The following SV2C variants were observed in gnomAD, a reference collection of about 807,000 sequenced individuals.
SV2C encodes the protein solute carrier family 22 member B3.
Under a neutral mutation model 79.7 loss-of-function variants are expected in SV2C, and 49 were observed. That is an observed-to-expected ratio of 0.61 (90% CI 0.49 to 0.78). The LOEUF (loss-of-function observed/expected upper bound fraction) is 0.78, where lower values mean the gene tolerates loss of function less well. Among genes scored for constraint, SV2C ranks in the 30% least tolerant of loss-of-function variants. The probability of loss-of-function intolerance (pLI) is 0.00; values close to 1 mark genes in which losing one functional copy is unlikely to be tolerated. For synonymous variants in SV2C, 334 were observed against 333.2 expected (o/e 1.00, Z -0.03); for missense variants, 833 against 912.9 (o/e 0.91, Z 1.13).
the SV2C span, among the ~76,000 whole-genome samples, chr5:75,932,202 G>A: frequency 2.0e-5 from 3 of 152,262 alleles, no homozygotes; most frequent in East Asian, 1.9e-4. Flanking sequence ...CCTTCTTCCC[G>A]GGGAGCCCTA....
At chr5:76,257,272 TG>T (rs1561286220) in intron 4 of SV2C, among the ~76,000 whole-genome samples, 1 of 62,698 alleles carries the variant, frequency 1.6e-5, no homozygotes, top group South Asian at 3.8e-4. Context: ...TATGTGTGTG[TG>T]TGTGTGTGTG....
chr5:75,923,403 AAAC>A, the SV2C span, among the ~76,000 whole-genome samples: 3 of 152,338 alleles, frequency 2.0e-5, no homozygotes, highest in East Asian at 3.9e-4. Flanking sequence ...AATGCAACAA[AAAC>A]AACAACAACA....
Position 76,180,601 on chromosome 5 carries a change from G to A in SV2C, c.581-14318G>A, listed in dbSNP as rs577907839. ...TACCCTCTTGCTCCTCTGAATTGCA[G>A]TTGTACTTAGCTACATCCCTGGCCT... On this transcript the variant is annotated intron_variant, in intron 2 of 12. Transcript: ENST00000502798. 1.3e-3 allele frequency among the ~76,000 whole-genome samples: 200 copies of A among 152,308 alleles called. 1 individual carries two copies. Among genetic ancestry groups the A allele is most frequent in the African/African-American group, 4.5e-3 (187 of 41,562 alleles).
chr5:76,081,748 G>A (rs1476947167), upstream of SV2C, among the ~76,000 whole-genome samples: 8 of 152,160 alleles, frequency 5.3e-5, no homozygotes, highest in African/African-American at 1.7e-4. Flanking sequence ...GAACCAGAGA[G>A]GAGGGAAAAT....
chr5:76,226,439 T>A (rs978198659), intron 4 of SV2C, among the ~76,000 whole-genome samples: 1 of 152,144 alleles, frequency 6.6e-6, no homozygotes, highest in African/African-American at 2.4e-5. Context: ...TTTGGCCAGA[T>A]CTGATTTCCA....
the SV2C span, among the ~76,000 whole-genome samples, chr5:76,016,514 T>C: frequency 6.6e-6 from 1 of 152,160 alleles, no homozygotes; most frequent in Non-Finnish European, 1.5e-5. Flanking sequence ...ATTCAGATAT[T>C]GAACTTGAAA....
At chr5:75,962,280 G>A in the SV2C span, among the ~76,000 whole-genome samples, 1 of 152,090 alleles carries the variant, frequency 6.6e-6, no homozygotes, top group African/African-American at 2.4e-5. Context: ...TATCTCTACA[G>A]CACAGGACCC....
chr5:76,044,900 G>T, the SV2C span, among the ~76,000 whole-genome samples: 1 of 152,234 alleles, frequency 6.6e-6, no homozygotes, highest in Non-Finnish European at 1.5e-5. Context: ...CTTTTACTGT[G>T]CAGAAGCTCT....
chr5:76,307,987 A>G (rs980583887), intron 12 of SV2C, among the ~76,000 whole-genome samples: 1 of 152,158 alleles, frequency 6.6e-6, no homozygotes, highest in African/African-American at 2.4e-5. Flanking sequence ...TAAAATATTC[A>G]TCAGATAATT....
the SV2C span, among the ~76,000 whole-genome samples, chr5:75,985,803 T>C: frequency 1.3e-5 from 2 of 151,968 alleles, no homozygotes; most frequent in African/African-American, 4.8e-5. Flanking sequence ...CCCACATTAG[T>C]AGATAGAGAA....
At chr5:76,038,665 ACTTAT>A in the SV2C span, among the ~76,000 whole-genome samples, 2 of 152,220 alleles carry the variant, frequency 1.3e-5, no homozygotes, top group Non-Finnish European at 1.5e-5. Context: ...GCATAATTGA[ACTTAT>A]CTTAGTCTAT....
At chr5:75,910,824 G>C in the SV2C span, 3 of 1,307,928 alleles carry the variant, frequency 2.3e-6, no homozygotes, top group African/African-American at 2.9e-5. Flanking sequence ...TCCAATTTGA[G>C]GGATGTCTTC....
chr5:76,020,639 G>T, the SV2C span, among the ~76,000 whole-genome samples: 1 of 152,138 alleles, frequency 6.6e-6, no homozygotes, highest in Admixed American at 6.6e-5. Flanking sequence ...CCTGATGGTT[G>T]GAGTGTGACT....
At chr5:76,040,564 T>C in the SV2C span, among the ~76,000 whole-genome samples, 1 of 152,198 alleles carries the variant, frequency 6.6e-6, no homozygotes, top group Non-Finnish European at 1.5e-5. Flanking sequence ...TATGTGTAGG[T>C]TGGTATAAGG....
the SV2C span, among the ~76,000 whole-genome samples, chr5:75,849,905 T>C: frequency 1.3e-5 from 2 of 152,140 alleles, no homozygotes; most frequent in Admixed American, 1.3e-4. Context: ...CCTTTTCTTT[T>C]CTTTTTTTTA....
the SV2C span, among the ~76,000 whole-genome samples, chr5:75,940,690 G>A: frequency 6.6e-6 from 1 of 152,156 alleles, no homozygotes; most frequent in African/African-American, 2.4e-5. Flanking sequence ...CGATGAAAGA[G>A]AATTAGGGGA....
the SV2C span, among the ~76,000 whole-genome samples, chr5:75,875,646 C>G: frequency 2.0e-5 from 3 of 151,974 alleles, no homozygotes. Flanking sequence ...AAACAGCCTA[C>G]AGAATGAGAG....
At chr5:76,225,750 A>G (rs531326164) in intron 4 of SV2C, among the ~76,000 whole-genome samples, 1 of 152,340 alleles carries the variant, frequency 6.6e-6, no homozygotes, top group South Asian at 2.1e-4. Context: ...TGGAGCAAAT[A>G]TATTTTCTCT....
intron 2 of SV2C, among the ~76,000 whole-genome samples, chr5:76,164,720 C>CTGTGTG (rs1279084172): frequency 3.1e-5 from 2 of 63,918 alleles, no homozygotes; most frequent in African/African-American, 1.7e-4. Context: ...GGATGGAACT[C>CTGTGTG]AGTGTGTGTG....
Sources: gnomAD v4.1 joint callset for allele counts (sites outside exome capture counted in the v4.1 genomes callset) on GRCh38, gnomAD v4.1.1 for gene constraint, MANE v1.5 for transcripts, NCBI Gene and HGNC (gene_info 2026-07-23, HGNC 2026-07-21) for gene names.